Variants in ST7 observed in about 807,000 individuals in gnomAD.
ST7 encodes the protein suppression of tumorigenicity 7.
A neutral mutation model predicts 78.7 loss-of-function variants in ST7; 28 were observed. The observed-to-expected ratio is 0.36, with a 90% confidence interval of 0.26 to 0.49. The LOEUF is 0.49. ST7 is among the 20% of genes least tolerant of loss of function. The probability of loss-of-function intolerance (pLI) is 0.99; values close to 1 mark genes in which losing one functional copy is unlikely to be tolerated. For missense variants in ST7, 418 were observed against 696.0 expected (o/e 0.60, Z 4.49); for synonymous variants, 247 against 249.6 (o/e 0.99, Z 0.10).
intron 9 of ST7, among the ~76,000 whole-genome samples, chr7:117,147,741 A>T (rs969614057): frequency 1.6e-4 from 24 of 151,604 alleles, no homozygotes; most frequent in Non-Finnish European, 1.5e-5. Flanking sequence ...TCTCCTCCTC[A>T]TCCTTCTCCC....
At chr7:117,008,559 G>T (rs1363831520) in intron 1 of ST7, among the ~76,000 whole-genome samples, 3 of 152,170 alleles carry the variant, frequency 2.0e-5, no homozygotes, top group African/African-American at 7.2e-5. Flanking sequence ...TTCCTTATCT[G>T]GGAAAGTAGT....
chr7:117,071,279 A>C (rs1798943755), intron 1 of ST7, among the ~76,000 whole-genome samples: 1 of 152,216 alleles, frequency 6.6e-6, no homozygotes, highest in South Asian at 2.1e-4. Context: ...TCCATCTTTA[A>C]ATAAATACTA....
intron 1 of ST7, among the ~76,000 whole-genome samples, chr7:117,053,428 C>T (rs1352336605): frequency 6.6e-6 from 1 of 152,192 alleles, no homozygotes; most frequent in Non-Finnish European, 1.5e-5. Flanking sequence ...GATCTTTGCC[C>T]TCCTCCTTTG....
chr7:117,152,656 TC>T (rs1353107710), intron 9 of ST7, among the ~76,000 whole-genome samples: 1 of 152,178 alleles, frequency 6.6e-6, no homozygotes, highest in Non-Finnish European at 1.5e-5. Context: ...TGTTCAGTCT[TC>T]CATCTACATT....
In ST7 at chr7:116,972,940, C is replaced by T. The variant is rs372546203; in HGVS notation, c.151+19249C>T. 2.2e-5 allele frequency: 26 copies of T among 1,207,708 alleles called. No individual in the cohort carries two copies. The East Asian group carries it at 3.6e-4, about 16-fold the overall frequency. The allele number at this position is 1,207,708 out of a possible 1,614,324, so 74.8% of individuals were successfully genotyped here. ...GCCCACTCAGCTACTGCTCGCACTC[C>T]GATTCCTGCCTCCTCTGCTTGGTGT... On this transcript the variant is annotated intron_variant, in intron 1 of 15. Coordinates refer to ENST00000323984, the MANE Select transcript of ST7 (RefSeq NM_001369598.1).
chr7:117,167,113 C>T (rs1265381124), intron 9 of ST7, among the ~76,000 whole-genome samples: 6 of 150,358 alleles, frequency 4.0e-5, no homozygotes, highest in Non-Finnish European at 7.4e-5. Flanking sequence ...GGTACATGTG[C>T]ACATTGTGCA....
intron 1 of ST7, among the ~76,000 whole-genome samples, chr7:116,959,972 T>A (rs566029634): frequency 4.6e-5 from 7 of 152,284 alleles, no homozygotes; most frequent in African/African-American, 1.7e-4. Context: ...GTATACATGT[T>A]TTTTACAGTT....
intron 13 of ST7, 103 bp downstream of exon 13, chr7:117,210,040 C>T: frequency 2.2e-6 from 3 of 1,337,576 alleles, no homozygotes; most frequent in Admixed American, 2.5e-5. Flanking sequence ...ATATGTACTG[C>T]TCTTGTGTTC....
chr7:117,182,990 G>A (rs2117337295), intron 10 of ST7, among the ~76,000 whole-genome samples: 1 of 152,250 alleles, frequency 6.6e-6, no homozygotes, highest in Non-Finnish European at 1.5e-5. Flanking sequence ...TTTAGATAAG[G>A]ATTTGTGGAG....
chr7:117,071,637 A>T (rs767537686), intron 1 of ST7, among the ~76,000 whole-genome samples: 3 of 152,252 alleles, frequency 2.0e-5, no homozygotes, highest in Non-Finnish European at 4.4e-5. Context: ...TTTGTATGGC[A>T]CACTGGGGTA....
At chr7:116,961,555 CG>C (rs1792824441) in intron 1 of ST7, among the ~76,000 whole-genome samples, 3 of 138,432 alleles carry the variant, frequency 2.2e-5, no homozygotes, top group Non-Finnish European at 4.7e-5. Flanking sequence ...TGTATTCCTA[CG>C]TGTGTGTGTG....
chr7:117,046,183 T>G (rs1305770205), intron 1 of ST7, among the ~76,000 whole-genome samples: 2 of 152,122 alleles, frequency 1.3e-5, no homozygotes, highest in African/African-American at 4.8e-5. Flanking sequence ...GACTGTGTCA[T>G]GCTGCTTTTC....
intron 1 of ST7, chr7:116,957,147 C>A: frequency 6.3e-6 from 1 of 158,594 alleles, no homozygotes; most frequent in Non-Finnish European, 1.4e-5. Flanking sequence ...TACTTCCCTA[C>A]TCCCACCAGC....
At chr7:117,113,587 T>C (rs1802609879) in intron 2 of ST7, among the ~76,000 whole-genome samples, 1 of 152,268 alleles carries the variant, frequency 6.6e-6, no homozygotes. Flanking sequence ...ATTTGTGTGA[T>C]CGTTTATTGT....
chr7:117,059,206 T>C, intron 1 of ST7, among the ~76,000 whole-genome samples: 3 of 152,198 alleles, frequency 2.0e-5, no homozygotes, highest in African/African-American at 7.2e-5. Flanking sequence ...GGATTGTTTG[T>C]AACACAAAGG....
chr7:117,211,923 G>A (rs180930739), intron 13 of ST7, among the ~76,000 whole-genome samples: 4 of 152,274 alleles, frequency 2.6e-5, no homozygotes, highest in African/African-American at 7.2e-5. Context: ...AAAAGAGGGG[G>A]TGGGTTTTCA....
At chr7:117,135,953 G>T in intron 7 of ST7, 128 bp from the exon 8 acceptor site, 1 of 880,258 alleles carries the variant, frequency 1.1e-6, no homozygotes, top group South Asian at 1.6e-5. Context: ...CTACAAACAG[G>T]AGTGCATGAA....
At chr7:116,971,989 G>T (rs758076781) in intron 1 of ST7, among the ~76,000 whole-genome samples, 1 of 152,166 alleles carries the variant, frequency 6.6e-6, no homozygotes, top group African/African-American at 2.4e-5. Flanking sequence ...TGGAATCTCC[G>T]GGAAGAGGCA....
At chr7:116,972,494 A>G in intron 1 of ST7, 4 of 937,390 alleles carry the variant, frequency 4.3e-6, no homozygotes. Context: ...GTGCGTTCCA[A>G]GTCTCTTTCA....
Sources: gnomAD v4.1 joint callset for allele counts (sites outside exome capture counted in the v4.1 genomes callset) on GRCh38, gnomAD v4.1.1 for gene constraint, MANE v1.5 for transcripts, NCBI Gene and HGNC (gene_info 2026-07-23, HGNC 2026-07-21) for gene names.